DOCK2: variants seen among roughly 807,000 people sequenced by gnomAD.
The protein encoded by DOCK2 is dedicator of cytokinesis protein 2.
In DOCK2, 87 loss-of-function variants were observed where a neutral mutation model predicts 248.9. The observed-to-expected ratio is 0.35, with a 90% CI of 0.29 to 0.42. The LOEUF is 0.42. DOCK2 is among the 10% of genes least tolerant of loss of function. The pLI, the probability that DOCK2 is intolerant of heterozygous loss-of-function variation, is 1.00. For missense variants in DOCK2, 1,747 were observed against 2,300.2 expected, an observed-to-expected ratio of 0.76 and a Z score of 4.92; for synonymous variants, 805 against 821.6, an observed-to-expected ratio of 0.98 and a Z score of 0.35.
chr5:169,729,907 G>A (rs762413224), intron 22 of DOCK2, among the ~76,000 whole-genome samples: 4 of 152,042 alleles, frequency 2.6e-5, no homozygotes, highest in Non-Finnish European at 5.9e-5. Flanking sequence ...CTAAAGTGGG[G>A]ATTACCTCAG....
chr5:170,040,307 G>A (rs760996854), intron 36 of DOCK2, among the ~76,000 whole-genome samples: 1 of 152,122 alleles, frequency 6.6e-6, no homozygotes, highest in Non-Finnish European at 1.5e-5. Context: ...CCCTTCCTTT[G>A]TCCTTGTTCT....
At chr5:169,897,127 A>G (rs983447432) in intron 27 of DOCK2, among the ~76,000 whole-genome samples, 9 of 152,202 alleles carry the variant, frequency 5.9e-5, no homozygotes, top group Non-Finnish European at 1.0e-4. Context: ...GGCTTTCTCT[A>G]TGAGAAAGAG....
chr5:169,874,557 C>G (rs1170361806), intron 27 of DOCK2, among the ~76,000 whole-genome samples: 1 of 152,088 alleles, frequency 6.6e-6, no homozygotes, highest in Non-Finnish European at 1.5e-5. Context: ...ATACCCCTAT[C>G]CTGAAGTGGG....
chr5:169,912,669 T>G (rs1054018722), intron 27 of DOCK2, among the ~76,000 whole-genome samples: 1 of 152,072 alleles, frequency 6.6e-6, no homozygotes, highest in Admixed American at 6.6e-5. Flanking sequence ...TTCATTCATG[T>G]TGCATTATAC....
At chr5:170,011,175 C>T (rs377255377) in intron 32 of DOCK2, among the ~76,000 whole-genome samples, 4 of 152,176 alleles carry the variant, frequency 2.6e-5, no homozygotes, top group African/African-American at 9.7e-5. Context: ...GTGGGAGACC[C>T]AGAGCCCATT....
intron 2 of DOCK2, among the ~76,000 whole-genome samples, chr5:169,666,429 T>C (rs1034218359): frequency 7.9e-5 from 12 of 152,250 alleles, no homozygotes; most frequent in African/African-American, 2.9e-4. Flanking sequence ...AAAAAGCCCT[T>C]GTTATTGTTG....
At chr5:170,053,791 A>ATAGAG (rs1478589622) in intron 41 of DOCK2, among the ~76,000 whole-genome samples, 1 of 152,250 alleles carries the variant, frequency 6.6e-6, no homozygotes, top group Non-Finnish European at 1.5e-5. Context: ...ACTTCTTAGC[A>ATAGAG]TAGAGTAAGT....
intron 25 of DOCK2, among the ~76,000 whole-genome samples, chr5:169,789,692 C>T (rs904597962): frequency 2.0e-5 from 3 of 152,180 alleles, no homozygotes; most frequent in Non-Finnish European, 4.4e-5. Context: ...TTAAATCACT[C>T]TTTGCTTTGG....
At chr5:169,649,198 C>T (rs1184073714) in intron 1 of DOCK2, among the ~76,000 whole-genome samples, 1 of 152,214 alleles carries the variant, frequency 6.6e-6, no homozygotes, top group South Asian at 2.1e-4. Flanking sequence ...TTTTGTTCCT[C>T]TTACACAGCC....
intron 19 of DOCK2, among the ~76,000 whole-genome samples, chr5:169,715,462 C>G (rs538039898): frequency 6.6e-6 from 1 of 152,190 alleles, no homozygotes; most frequent in South Asian, 2.1e-4. Flanking sequence ...TACCACTGAC[C>G]CATCTACCTC....
At chr5:169,703,794 G>A (rs1463740048) in intron 14 of DOCK2, among the ~76,000 whole-genome samples, 2 of 152,146 alleles carry the variant, frequency 1.3e-5, no homozygotes, top group African/African-American at 4.8e-5. Flanking sequence ...AGGAGCGGAG[G>A]GTTTTTATCT....
At chr5:170,061,199 G>A (rs1417676183) in intron 44 of DOCK2, among the ~76,000 whole-genome samples, 1 of 152,146 alleles carries the variant, frequency 6.6e-6, no homozygotes, top group East Asian at 1.9e-4. Flanking sequence ...CCTGGCAAGA[G>A]TTACTATGTC....
intron 34 of DOCK2, among the ~76,000 whole-genome samples, chr5:170,031,833 C>A (rs867107708): frequency 2.6e-5 from 4 of 152,232 alleles, no homozygotes; most frequent in African/African-American, 9.6e-5. Flanking sequence ...AAAGCCAAGA[C>A]CTTTTTCTTC....
chr5:169,653,355 C>T (rs1465395568), intron 1 of DOCK2, among the ~76,000 whole-genome samples: 2 of 152,108 alleles, frequency 1.3e-5, no homozygotes, highest in Non-Finnish European at 1.5e-5. Flanking sequence ...AAGAGTGGCA[C>T]AATAATGCCT....
chr5:169,972,479 A>G (rs1777539104), intron 27 of DOCK2, among the ~76,000 whole-genome samples: 1 of 80,748 alleles, frequency 1.2e-5, no homozygotes, highest in African/African-American at 8.6e-5. Flanking sequence ...TTGACAATGA[A>G]AAATATTTCA....
In DOCK2 at chr5:169,670,607, A is replaced by G; in HGVS notation, c.224+10A>G. 1 of 1,613,882 alleles carries G rather than the reference A, an allele frequency of 6.2e-7. No individual in the cohort carries two copies. The highest frequency in any genetic ancestry group is 8.5e-7 in the Non-Finnish European group (1 of 1,179,946). ...CAGTTGAGAAAAGAAGGTATTTGCCATTCTTCACCAGACTTGAGCCTCCAG... is the reference window on the plus strand; with the variant it reads ...CAGTTGAGAAAAGAAGGTATTTGCCGTTCTTCACCAGACTTGAGCCTCCAG... On this transcript the variant is annotated intron_variant, in intron 4 of 51. Coordinates refer to ENST00000520908, the MANE Select transcript of DOCK2 (RefSeq NM_004946.3).
intron 13 of DOCK2, 22 bp downstream of exon 13, chr5:169,700,161 C>T: frequency 6.2e-7 from 1 of 1,611,184 alleles, no homozygotes; most frequent in Non-Finnish European, 8.5e-7. Context: ...CTGCTCTGAC[C>T]TTCCCCTGGG....
chr5:169,892,848 CCTCT>C (rs1773376496), intron 27 of DOCK2, among the ~76,000 whole-genome samples: 1 of 151,940 alleles, frequency 6.6e-6, no homozygotes, highest in African/African-American at 2.4e-5. Flanking sequence ...CTCTGGATTT[CCTCT>C]CTCCTTTCTC....
At chr5:169,707,621 C>T (rs1321982652) in intron 14 of DOCK2, among the ~76,000 whole-genome samples, 1 of 152,142 alleles carries the variant, frequency 6.6e-6, no homozygotes, top group African/African-American at 2.4e-5. Flanking sequence ...ATTATTGTGA[C>T]CTGAACTGAG....
Sources: gnomAD v4.1 joint callset for allele counts (sites outside exome capture counted in the v4.1 genomes callset) on GRCh38, gnomAD v4.1.1 for gene constraint, MANE v1.5 for transcripts, NCBI Gene and HGNC (gene_info 2026-07-23, HGNC 2026-07-21) for gene names.